ASAP2: variants seen among roughly 807,000 people sequenced by gnomAD.
The protein encoded by ASAP2 is arf-GAP with SH3 domain, ANK repeat and PH domain-containing protein 2.
Under a neutral mutation model 131.4 loss-of-function variants are expected in ASAP2, and 45 were observed. The observed-to-expected ratio is 0.34, with a 90% confidence interval of 0.27 to 0.44. The LOEUF (loss-of-function observed/expected upper bound fraction) is 0.44. ASAP2 is among the 20% of genes least tolerant of loss of function. The pLI, the probability that ASAP2 is intolerant of heterozygous loss-of-function variation, is 1.00. For missense variants in ASAP2, 1,011 were observed against 1,297.0 expected (o/e 0.78, Z 3.39); for synonymous variants, 510 against 503.0 (o/e 1.01, Z -0.19).
At position 9,207,542 on chromosome 2, in the gene ASAP2, C is replaced by CCCGCTGCCCG. The variant is rs1220769699; in HGVS notation, c.126+317_126+326dup. On this transcript the variant is annotated intron_variant, in intron 1 of 27. Coordinates refer to ENST00000281419, the MANE Select transcript of ASAP2 (RefSeq NM_003887.3). The surrounding 1 kb of genome is among the most constrained non-coding windows in gnomAD (Gnocchi z 4.1). ...TCGGGGTCCGCGGCGAGCGGGGGATCCCGCTGCCCGCCGCCGCCCGCCGCC... is the reference window on the plus strand; with the variant it reads ...TCGGGGTCCGCGGCGAGCGGGGGATCCCGCTGCCCGCCGCTGCCCGCCGCCGCCCGCCGCC... 2.0e-5 allele frequency among the ~76,000 whole-genome samples: 3 copies of CCCGCTGCCCG among 152,000 alleles called. No homozygotes were observed. The highest frequency in any genetic ancestry group is 4.4e-5 in the Non-Finnish European group (3 of 67,974).
chr2:9,367,200 T>C (rs1673547096), intron 15 of ASAP2, among the ~76,000 whole-genome samples: 1 of 151,726 alleles, frequency 6.6e-6, no homozygotes, highest in African/African-American at 2.4e-5. Flanking sequence ...CTGGCTAATT[T>C]CTTTTGTATT....
At chr2:9,229,006 G>A (rs1335499642) in intron 1 of ASAP2, among the ~76,000 whole-genome samples, 1 of 152,048 alleles carries the variant, frequency 6.6e-6, no homozygotes, top group Non-Finnish European at 1.5e-5. Flanking sequence ...GCTCCATTCC[G>A]AAAGCCACAC....
chr2:9,288,500 C>T (rs1667604645), intron 2 of ASAP2, among the ~76,000 whole-genome samples: 1 of 152,048 alleles, frequency 6.6e-6, no homozygotes, highest in Admixed American at 6.6e-5. Flanking sequence ...GTTTTTAAGT[C>T]ATCACTGTGG....
chr2:9,302,001 TTTTAG>T lies in ASAP2; in HGVS notation c.345+4558_345+4562del, dbSNP rs1446485150. 7.2e-5 allele frequency among the ~76,000 whole-genome samples: 11 copies of T among 151,808 alleles called. No homozygotes were observed. In the East Asian group the frequency reaches 2.1e-3, roughly 30 times the overall value. ...GCCATGCCCGGCTAGTTTTTGGTAT[TTTTAG>T]TAGAGATGGGGTTTCACCACGTTAG... On this transcript the variant is annotated intron_variant, in intron 3 of 27. Transcript: ENST00000281419.
intron 5 of ASAP2, 74 bp from the exon 6 acceptor site, chr2:9,323,047 G>A (rs1242392832): frequency 6.3e-7 from 1 of 1,582,184 alleles, no homozygotes; most frequent in Non-Finnish European, 8.6e-7. Context: ...GCTGGGTACT[G>A]GGGTGGCTTC....
At chr2:9,387,491 G>A (rs1468539587) in intron 21 of ASAP2, among the ~76,000 whole-genome samples, 3 of 151,956 alleles carry the variant, frequency 2.0e-5, no homozygotes, top group Non-Finnish European at 2.9e-5. Flanking sequence ...AGGAGCTCCT[G>A]TTCATATGGG....
Position 9,401,307 on chromosome 2 carries a change from T to C in ASAP2, c.2857T>C (p.Tyr953His), listed in dbSNP as rs1572648164. ...KLKPKRVKAL[Y>H]NCVADNPDEL... ...GAAGCCTAAGCGGGTGAAAGCGCTC[T>C]ATAACTGTGTGGCTGACAACCCCGA... The change falls in exon 27 of 28, where the codon TAT (tyrosine) becomes CAT (histidine). Residue 953 changes from tyrosine (Y) to histidine (H), a missense_variant. By Grantham distance (83) the Tyr-to-His change is moderately conservative. Around this residue, in one of 2 missense-constraint regions of ASAP2, gnomAD observed 652 missense variants for 698.9 expected, o/e 0.93. Coordinates refer to ENST00000281419, the MANE Select transcript of ASAP2 (RefSeq NM_003887.3). The C allele has an allele frequency of 6.2e-7, 1 of 1,613,462 alleles. No individual in the cohort carries two copies. Among genetic ancestry groups the C allele is most frequent in the African/African-American group, 1.3e-5 (1 of 74,896 alleles).
At chr2:9,374,711 T>C (rs753355128) in intron 16 of ASAP2, 44 bp from the exon 17 acceptor site, 1 of 1,538,178 alleles carries the variant, frequency 6.5e-7, no homozygotes, top group South Asian at 1.2e-5. Flanking sequence ...GGACGGCGGG[T>C]AGAAGCCCTT....
At chr2:9,294,531 G>A (rs547733552) in intron 2 of ASAP2, among the ~76,000 whole-genome samples, 1 of 152,116 alleles carries the variant, frequency 6.6e-6, no homozygotes, top group African/African-American at 2.4e-5. Flanking sequence ...TATGGTCTGG[G>A]GCAGGTGACA....
At chr2:9,251,986 A>G (rs190026648) in intron 1 of ASAP2, among the ~76,000 whole-genome samples, 86 of 151,384 alleles carry the variant, frequency 5.7e-4, no homozygotes, top group Non-Finnish European at 1.1e-3. Flanking sequence ...TTAGTTCATC[A>G]GTTATTTGAA....
intron 1 of ASAP2, among the ~76,000 whole-genome samples, chr2:9,266,336 G>A (rs752862972): frequency 3.7e-4 from 57 of 152,064 alleles, no homozygotes; most frequent in Non-Finnish European, 6.6e-4. Context: ...TTGTAGAGAT[G>A]GGGTCTCACT....
At chr2:9,333,546 G>A (rs1385500997) in intron 7 of ASAP2, among the ~76,000 whole-genome samples, 2 of 151,478 alleles carry the variant, frequency 1.3e-5, no homozygotes, top group East Asian at 3.8e-4. Context: ...ACACACCTTA[G>A]GAGAAGGCTT....
chr2:9,268,891 C>T lies in ASAP2; in HGVS notation c.127-10426C>T, dbSNP rs1666139291. On this transcript the variant is annotated intron_variant, in intron 1 of 27. Transcript: ENST00000281419. This position sits in a 1 kb window ranked among gnomAD's most constrained non-coding sequence, Gnocchi z 4.1. The stretch of plus-strand genomic sequence containing the variant: ...TCTAAGAAGGAAGCCAGCCTCTTCC[C>T]ACCCCTGCTGGTTCGCATTGAGAAC... 6.6e-6 allele frequency among the ~76,000 whole-genome samples: 1 copy of T among 152,198 alleles called. No homozygotes were observed.
At chr2:9,332,629 A>G (rs761896077) in intron 7 of ASAP2, among the ~76,000 whole-genome samples, 26 of 152,220 alleles carry the variant, frequency 1.7e-4, no homozygotes, top group Non-Finnish European at 3.5e-4. Flanking sequence ...GTCTGACCGT[A>G]GGGAGAATTG....
At position 9,404,876 on chromosome 2, in the gene ASAP2, TTTTG is replaced by T. The variant is rs759913024; in HGVS notation, c.*1553_*1556del. The T allele has an allele frequency of 1.3e-5, 2 of 152,606 alleles. No homozygotes were observed. The highest frequency in any genetic ancestry group is 6.5e-5 in the Admixed American group (1 of 15,276). The allele number at this position is 152,606 out of a possible 1,614,324, so 9.5% of individuals were successfully genotyped here. ...GTAAAAATGTGTTATATCTGTAGTTTTTTGTTTTTGTTTTTTTTTAAAGCACTAC... is the reference window on the plus strand; with the variant it reads ...GTAAAAATGTGTTATATCTGTAGTTTTTTTTGTTTTTTTTTAAAGCACTAC... On this transcript the variant is annotated 3_prime_UTR_variant, in exon 28 of 28. Coordinates refer to ENST00000281419, the MANE Select transcript of ASAP2 (RefSeq NM_003887.3).
At chr2:9,342,755 G>T (rs1425317280) in intron 9 of ASAP2, among the ~76,000 whole-genome samples, 1 of 152,192 alleles carries the variant, frequency 6.6e-6, no homozygotes, top group East Asian at 1.9e-4. Flanking sequence ...TCGAAACTCT[G>T]ACTCCAGCCC....
chr2:9,315,710 A>G (rs1429697010), intron 3 of ASAP2, among the ~76,000 whole-genome samples: 2 of 152,158 alleles, frequency 1.3e-5, no homozygotes, highest in African/African-American at 4.8e-5. Context: ...TAGGTTACTC[A>G]TCAGCACGGC....
At chr2:9,220,347 T>A (rs1462097696) in intron 1 of ASAP2, among the ~76,000 whole-genome samples, 1 of 152,256 alleles carries the variant, frequency 6.6e-6, no homozygotes, top group Non-Finnish European at 1.5e-5. Flanking sequence ...TTACCAGCCA[T>A]GTGTAAGGGT....
At position 9,313,200 on chromosome 2, in the gene ASAP2, A is replaced by G. The variant is rs965497169; in HGVS notation, c.346-5324A>G. ...AAGCAAGCCGACCAAGTGGGTCTGC[A>G]TGTCCGTGGAGTGTTCACTCTTCTC... On this transcript the variant is annotated intron_variant, in intron 3 of 27. Coordinates refer to ENST00000281419, the MANE Select transcript of ASAP2 (RefSeq NM_003887.3). Among the ~76,000 whole-genome samples, 6 of 152,338 alleles carry G rather than the reference A, an allele frequency of 3.9e-5. No individual in the cohort carries two copies. In the South Asian group the frequency reaches 8.3e-4, roughly 21 times the overall value.
Sources: gnomAD v4.1 joint callset for allele counts (sites outside exome capture counted in the v4.1 genomes callset) on GRCh38, gnomAD v4.1.1 for gene constraint, gnomAD v4.1.1 regional missense constraint, Gnocchi (gnomAD v3.1) non-coding constraint, MANE v1.5 for transcripts, NCBI Gene and HGNC (gene_info 2026-07-23, HGNC 2026-07-21) for gene names.